Variants in DLGAP2 observed in about 807,000 individuals in gnomAD.
DLGAP2 encodes the protein DLG associated protein 2.
Under a neutral mutation model 100.3 loss-of-function variants are expected in DLGAP2, and 26 were observed. That is an observed-to-expected ratio of 0.26 (90% CI 0.19 to 0.36). The LOEUF is 0.36. DLGAP2 is among the 10% of genes least tolerant of loss of function. The pLI is 1.00. For missense variants in DLGAP2, 1,858 were observed against 1,453.2 expected, an observed-to-expected ratio of 1.28 and a Z score of -4.53; for synonymous variants, 886 against 630.1, an observed-to-expected ratio of 1.41 and a Z score of -6.08.
chr8:1,701,101 C>T, intron 14 of DLGAP2, 87 bp from the exon 15 acceptor site: 1 of 1,271,206 alleles, frequency 7.9e-7, no homozygotes, highest in Non-Finnish European at 1.1e-6. Context: ...CGGGAAGGGT[C>T]AGGCCAGGCC....
intron 6 of DLGAP2, among the ~76,000 whole-genome samples, chr8:1,575,521 A>G (rs545563802): frequency 6.7e-6 from 1 of 149,876 alleles, no homozygotes; most frequent in African/African-American, 2.4e-5. Context: ...CACAATGTGC[A>G]GGTTTGCTAC....
At chr8:1,483,012 G>A (rs1257637834) in intron 3 of DLGAP2, among the ~76,000 whole-genome samples, 2 of 152,186 alleles carry the variant, frequency 1.3e-5, no homozygotes, top group Non-Finnish European at 2.9e-5. Flanking sequence ...TCTTCCCTCC[G>A]GCACTGCCTC....
chr8:902,987 G>GC (rs1468342776), intron 1 of DLGAP2, among the ~76,000 whole-genome samples: 1 of 110,242 alleles, frequency 9.1e-6, no homozygotes, highest in Non-Finnish European at 1.9e-5. Context: ...GGTGGGGGCG[G>GC]GGGGGCGGAA....
chr8:1,238,502 C>T (rs1430089508), intron 2 of DLGAP2, among the ~76,000 whole-genome samples: 1 of 134,694 alleles, frequency 7.4e-6, no homozygotes, highest in African/African-American at 2.7e-5. Flanking sequence ...CACATGGCGC[C>T]GTGTCTAGTT....
At chr8:1,663,444 G>C (rs753647507) in intron 8 of DLGAP2, among the ~76,000 whole-genome samples, 2 of 152,062 alleles carry the variant, frequency 1.3e-5, no homozygotes, top group African/African-American at 4.8e-5. Context: ...TCTCCGCTTC[G>C]TGGGACGCCG....
chr8:1,419,691 G>A (rs539612525), intron 3 of DLGAP2, among the ~76,000 whole-genome samples: 1 of 152,290 alleles, frequency 6.6e-6, no homozygotes, highest in Non-Finnish European at 1.5e-5. Context: ...TAGAATGGCG[G>A]TTACCAGAAA....
intron 2 of DLGAP2, among the ~76,000 whole-genome samples, chr8:1,139,252 G>A: frequency 6.6e-6 from 1 of 152,230 alleles, no homozygotes; most frequent in East Asian, 1.9e-4. Context: ...TTGCCCCTGT[G>A]TTCTCTGCCA....
chr8:1,452,904 C>A (rs937403332), intron 3 of DLGAP2, among the ~76,000 whole-genome samples: 1 of 152,150 alleles, frequency 6.6e-6, no homozygotes, highest in Non-Finnish European at 1.5e-5. Context: ...AGGTCTATTA[C>A]GAAGGCCTGT....
chr8:1,366,859 T>A (rs1345321489), intron 3 of DLGAP2, among the ~76,000 whole-genome samples: 1 of 152,182 alleles, frequency 6.6e-6, no homozygotes, highest in Non-Finnish European at 1.5e-5. Context: ...CAAGAAATGC[T>A]AATAACAGTG....
intron 3 of DLGAP2, among the ~76,000 whole-genome samples, chr8:1,417,736 C>CT (rs1796971149): frequency 3.6e-4 from 6 of 16,478 alleles, no homozygotes; most frequent in Admixed American, 6.8e-4. Flanking sequence ...GACACAGAAG[C>CT]CCACGGAGAC....
intron 2 of DLGAP2, among the ~76,000 whole-genome samples, chr8:987,492 T>TCTGCCGGACGCC: frequency 6.6e-6 from 1 of 152,284 alleles, no homozygotes; most frequent in South Asian, 2.1e-4. Flanking sequence ...CCAGCACAGT[T>TCTGCCGGACGCC]CTGCCGGACG....
intron 2 of DLGAP2, among the ~76,000 whole-genome samples, chr8:1,151,145 G>A (rs1056694988): frequency 6.6e-6 from 1 of 152,038 alleles, no homozygotes; most frequent in African/African-American, 2.4e-5. Context: ...TCATGGATGC[G>A]TTTTTATTCA....
chr8:786,118 G>C (rs1455669640), intron 1 of DLGAP2, among the ~76,000 whole-genome samples: 1 of 152,204 alleles, frequency 6.6e-6, no homozygotes, highest in African/African-American at 2.4e-5. Flanking sequence ...ACCCATGCCT[G>C]AGCTTAGCTC....
intron 2 of DLGAP2, among the ~76,000 whole-genome samples, chr8:963,680 C>T (rs1025092715): frequency 7.0e-5 from 10 of 142,948 alleles, no homozygotes; most frequent in East Asian, 1.9e-4. Context: ...TGCTCTGCCT[C>T]GGTGAATTTT....
At chr8:912,092 C>T (rs930866521) in intron 2 of DLGAP2, among the ~76,000 whole-genome samples, 41 of 152,202 alleles carry the variant, frequency 2.7e-4, no homozygotes, top group Admixed American at 1.5e-3. Context: ...TTTCAGGAGA[C>T]AGCCCATTCT....
intron 2 of DLGAP2, among the ~76,000 whole-genome samples, chr8:1,188,167 A>C (rs1200931827): frequency 8.2e-6 from 1 of 121,856 alleles, no homozygotes. Flanking sequence ...CGTTTCCCTC[A>C]CGGAATCTCA....
chr8:1,192,159 C>A (rs1259927358), intron 2 of DLGAP2, among the ~76,000 whole-genome samples: 1 of 152,118 alleles, frequency 6.6e-6, no homozygotes, highest in Non-Finnish European at 1.5e-5. Context: ...ATGGGCTGGG[C>A]TTGGAGCTGT....
chr8:1,479,258 T>G (rs1799022228), intron 3 of DLGAP2, among the ~76,000 whole-genome samples: 2 of 152,206 alleles, frequency 1.3e-5, no homozygotes, highest in Non-Finnish European at 2.9e-5. Flanking sequence ...TTTACTCCGC[T>G]GCCAAACCAG....
chr8:802,088 C>T (rs368283272), intron 1 of DLGAP2, among the ~76,000 whole-genome samples: 133 of 119,926 alleles, frequency 1.1e-3, no homozygotes, highest in East Asian at 4.6e-3. Flanking sequence ...TCCGTCCTCA[C>T]GGCCTGGGGA....
Sources: allele counts gnomAD v4.1 joint callset (sites outside exome capture counted in the v4.1 genomes callset), GRCh38; gene constraint gnomAD v4.1.1; transcripts MANE v1.5; gene names NCBI Gene and HGNC (gene_info 2026-07-23, HGNC 2026-07-21).